ZNF782: variants seen among roughly 807,000 people sequenced by gnomAD.
ZNF782 encodes zinc finger protein 782.
A neutral mutation model predicts 13.0 loss-of-function variants in ZNF782; 12 were observed. That is an observed-to-expected ratio of 0.92 (90% CI 0.59 to 1.50). ZNF782 has a LOEUF of 1.50. Among genes scored for constraint, ZNF782 ranks in the 40% most tolerant of loss-of-function variants. The pLI, the probability that ZNF782 is intolerant of heterozygous loss-of-function variation, is 0.00. For missense variants in ZNF782, 770 were observed against 822.9 expected, an observed-to-expected ratio of 0.94 and a Z score of 0.79; for synonymous variants, 284 against 283.0, an observed-to-expected ratio of 1.00 and a Z score of -0.04.
chr9:96,827,296 C>T (rs1850657609), intron 4 of ZNF782, 115 bp from the exon 5 acceptor site: 1 of 580,670 alleles, frequency 1.7e-6, no homozygotes, highest in Non-Finnish European at 2.8e-6. Context: ...CTGGACCTTC[C>T]TTGGGGAAGT....
intron 4 of ZNF782, among the ~76,000 whole-genome samples, chr9:96,835,764 G>A (rs764071238): frequency 3.9e-5 from 6 of 152,198 alleles, no homozygotes; most frequent in African/African-American, 1.4e-4. Context: ...AGATTTCAAC[G>A]TATGTATGAA....
At chr9:96,826,021 C>T (rs1305038594) in intron 5 of ZNF782, among the ~76,000 whole-genome samples, 1 of 152,070 alleles carries the variant, frequency 6.6e-6, no homozygotes, top group Non-Finnish European at 1.5e-5. Flanking sequence ...ACTAGAAATA[C>T]CATTTGAGCC....
chr9:96,842,935 C>T (rs1366334121), intron 4 of ZNF782, among the ~76,000 whole-genome samples: 1 of 152,014 alleles, frequency 6.6e-6, no homozygotes, highest in Non-Finnish European at 1.5e-5. Context: ...CATGTGAACA[C>T]ATGAAAAGAT....
the ZNF782 span, among the ~76,000 whole-genome samples, chr9:96,896,834 C>G: frequency 6.6e-6 from 1 of 152,306 alleles, no homozygotes; most frequent in East Asian, 1.9e-4. Flanking sequence ...GGGATACTAT[C>G]TGAAGCCACT....
chr9:96,920,391 C>T, the ZNF782 span, among the ~76,000 whole-genome samples: 1 of 149,754 alleles, frequency 6.7e-6, no homozygotes, highest in Non-Finnish European at 1.5e-5. Flanking sequence ...CTCAGCCTCC[C>T]GAGTAGCTGG....
chr9:96,919,640 T>C, the ZNF782 span, among the ~76,000 whole-genome samples: 1 of 146,086 alleles, frequency 6.8e-6, no homozygotes, highest in African/African-American at 2.5e-5. Flanking sequence ...CTTGGCTCAC[T>C]GCAACCTCTG....
the ZNF782 span, among the ~76,000 whole-genome samples, chr9:96,925,257 G>A: frequency 6.6e-6 from 1 of 151,832 alleles, no homozygotes; most frequent in African/African-American, 2.4e-5. Flanking sequence ...GCAGGAGATG[G>A]GGAAATGGAG....
chr9:96,819,135 T>C lies in ZNF782; in HGVS notation c.888A>G (p.Gln296=), dbSNP rs1850307182. The C allele has an allele frequency of 1.2e-6, 2 of 1,613,826 alleles. No homozygotes were observed. Among genetic ancestry groups the C allele is most frequent in the Non-Finnish European group, 1.7e-6 (2 of 1,179,886 alleles). ...TATGATGTTCTCTAATGTGTGACTT[T>C]TGGCTGAAGGATTTCCCTCCTGTGA... is the stretch of plus-strand genomic sequence containing the variant. ...KTLTGGKSFS[Q]KSHIREHHRV... The change falls in exon 6 of 6, where the codon CAA becomes CAG. Residue 296 remains glutamine, a synonymous_variant. Coordinates refer to ENST00000481138, the MANE Select transcript of ZNF782 (RefSeq NM_001001662.3).
At chr9:96,877,602 C>T (rs963876963), upstream of ZNF782, among the ~76,000 whole-genome samples, 1 of 152,234 alleles carries the variant, frequency 6.6e-6, no homozygotes, top group African/African-American at 2.4e-5. Flanking sequence ...AGGCTTCGCT[C>T]CGCGAGATCT....
chr9:96,883,022 T>C, the ZNF782 span, among the ~76,000 whole-genome samples: 2 of 151,834 alleles, frequency 1.3e-5, no homozygotes, highest in East Asian at 1.9e-4. Flanking sequence ...GAATGGACAA[T>C]AGGAGATGAA....
intron 2 of ZNF782, among the ~76,000 whole-genome samples, chr9:96,861,072 TTC>T (rs1301237591): frequency 6.6e-6 from 1 of 152,138 alleles, no homozygotes; most frequent in Non-Finnish European, 1.5e-5. Flanking sequence ...CACAGTGAGT[TTC>T]TGTCTCTATT....
At chr9:96,893,373 A>G in the ZNF782 span, 1 of 152,206 alleles carries the variant, frequency 6.6e-6, no homozygotes, top group Non-Finnish European at 1.5e-5. Flanking sequence ...AAAAGTCAGG[A>G]AACAACAGGT....
chr9:96,879,460 G>A (rs1305450779), upstream of ZNF782, among the ~76,000 whole-genome samples: 1 of 152,156 alleles, frequency 6.6e-6, no homozygotes, highest in Admixed American at 6.5e-5. Context: ...CCCAGATCGC[G>A]CCACTGCACT....
chr9:96,908,626 GCT>G, the ZNF782 span, among the ~76,000 whole-genome samples: 1 of 125,944 alleles, frequency 7.9e-6, no homozygotes, highest in Non-Finnish European at 1.7e-5. Flanking sequence ...TACAAGCCAG[GCT>G]TTAGGCTTGT....
intron 1 of ZNF782, among the ~76,000 whole-genome samples, chr9:96,873,079 GT>G (rs59643114): frequency 0.18 from 25,991 of 146,556 alleles, 5,388 homozygotes; most frequent in African/African-American, 0.49. Flanking sequence ...ATCACTGTTA[GT>G]TTTTTTTTTT....
intron 1 of ZNF782, among the ~76,000 whole-genome samples, chr9:96,864,886 A>AC (rs1851739257): frequency 1.3e-5 from 2 of 151,144 alleles, no homozygotes; most frequent in Non-Finnish European, 3.0e-5. Context: ...CTAAAAAAAA[A>AC]AAAAAAAAAA....
intron 4 of ZNF782, among the ~76,000 whole-genome samples, chr9:96,839,265 C>T (rs893646415): frequency 1.2e-4 from 16 of 132,858 alleles, no homozygotes; most frequent in African/African-American, 4.6e-4. Flanking sequence ...AGGAAGCAGG[C>T]TTTACTTGGG....
chr9:96,830,172 A>C (rs78419629), intron 4 of ZNF782, among the ~76,000 whole-genome samples: 2,883 of 152,312 alleles, frequency 0.019, 80 homozygotes, highest in African/African-American at 0.065. Flanking sequence ...CTTTTAGACA[A>C]CGACTGTTCT....
the ZNF782 span, chr9:96,910,075 C>A: frequency 3.0e-4 from 178 of 602,064 alleles, 3 homozygotes; most frequent in Non-Finnish European, 5.1e-4. Context: ...CGTGCCCCAC[C>A]ATGTCAGATG....
Sources: gnomAD v4.1 joint callset for allele counts (sites outside exome capture counted in the v4.1 genomes callset) on GRCh38, gnomAD v4.1.1 for gene constraint, MANE v1.5 for transcripts, NCBI Gene and HGNC (gene_info 2026-07-23, HGNC 2026-07-21) for gene names.